PTER: variants seen among roughly 807,000 people sequenced by gnomAD.
The protein encoded by PTER is phosphotriesterase related.
Under a neutral mutation model 29.6 loss-of-function variants are expected in PTER, and 38 were observed. That is an observed-to-expected ratio of 1.28 (90% CI 0.99 to 1.68). The LOEUF is 1.68. Among genes scored for constraint, PTER ranks in the 40% most tolerant of loss-of-function variants. PTER has a pLI of 0.00. For synonymous variants in PTER, 172 were observed against 154.5 expected (o/e 1.11, Z -0.84); for missense variants, 482 against 427.8 (o/e 1.13, Z -1.12).
chr10:16,441,726 C>G (rs1405723775), intron 1 of PTER, among the ~76,000 whole-genome samples: 1 of 152,134 alleles, frequency 6.6e-6, no homozygotes, highest in Non-Finnish European at 1.5e-5. Context: ...GGGGCATGAC[C>G]GAAGATCTTC....
chr10:16,486,936 G>A (rs879927270), intron 3 of PTER: 1 of 227,256 alleles, frequency 4.4e-6, no homozygotes, highest in Admixed American at 5.1e-5. Flanking sequence ...TGTCTCATGG[G>A]ATGCTATCAA....
intron 4 of PTER, among the ~76,000 whole-genome samples, chr10:16,509,254 G>T (rs1226242201): frequency 6.6e-6 from 1 of 152,038 alleles, no homozygotes; most frequent in African/African-American, 2.4e-5. Context: ...TCATAGTCAG[G>T]ATATGATTGT....
At chr10:16,459,950 G>A (rs917351447) in intron 1 of PTER, among the ~76,000 whole-genome samples, 3 of 152,136 alleles carry the variant, frequency 2.0e-5, no homozygotes, top group Non-Finnish European at 2.9e-5. Context: ...TTTTTTCCAC[G>A]TTGGTCAGGC....
rs776309523 is a variant in PTER at position 16,511,140 on chromosome 10, G to A, written c.934G>A (p.Gly312Ser). 3.8e-5 allele frequency: 62 copies of A among 1,613,968 alleles called. No individual in the cohort carries two copies. The highest frequency in any genetic ancestry group is 9.9e-5 in the South Asian group (9 of 91,082). The change falls in exon 5 of 5, where the codon GGC becomes AGC. Residue 312 changes from glycine to serine, a missense_variant. Transcript: ENST00000535784. ...CCGGCTGATGAAATATGGAGGTCACGGCTATTCTCATATACTCACCAATGT... is the reference window on the plus strand; with the variant it reads ...CCGGCTGATGAAATATGGAGGTCACAGCTATTCTCATATACTCACCAATGT... ...KTRLMKYGGH[G>S]YSHILTNVVP...
intron 1 of PTER, among the ~76,000 whole-genome samples, chr10:16,467,673 GT>G (rs749487324): frequency 6.6e-5 from 10 of 152,100 alleles, no homozygotes; most frequent in Admixed American, 4.6e-4. Context: ...TTAGCCAGGT[GT>G]GGTAGTGGGT....
At chr10:16,516,067 A>T (rs1237506599), downstream of PTER, among the ~76,000 whole-genome samples, 3 of 152,212 alleles carry the variant, frequency 2.0e-5, no homozygotes, top group Non-Finnish European at 4.4e-5. Flanking sequence ...ACTCTTTAAC[A>T]CTGCTGAACT....
At chr10:16,438,471 T>G (rs549347963) in intron 1 of PTER, among the ~76,000 whole-genome samples, 69 of 149,834 alleles carry the variant, frequency 4.6e-4, no homozygotes, top group South Asian at 3.8e-3. Context: ...TGTTTTTTGT[T>G]TTTTTTTTTG....
chr10:16,469,964 A>T (rs1057114526), intron 1 of PTER, among the ~76,000 whole-genome samples: 2 of 152,020 alleles, frequency 1.3e-5, no homozygotes, highest in Admixed American at 6.6e-5. Flanking sequence ...TGTGAAAAAT[A>T]TAGAAATGTC....
At chr10:16,503,065 C>CTTTTTTTTTTTTTTTTTTTTTTT (rs541383811) in intron 3 of PTER, among the ~76,000 whole-genome samples, 2 of 69,418 alleles carry the variant, frequency 2.9e-5, no homozygotes, top group Non-Finnish European at 4.8e-5. Context: ...CATGATAGTG[C>CTTTTTTTTTTTTTTTTTTTTTTT]TTTTTTTTTT....
chr10:16,453,567 G>A (rs925018091), intron 1 of PTER, among the ~76,000 whole-genome samples: 1 of 152,080 alleles, frequency 6.6e-6, no homozygotes, highest in African/African-American at 2.4e-5. Flanking sequence ...TTAACAATCT[G>A]GAACTTCTGG....
At chr10:16,464,742 C>T (rs894780280) in intron 1 of PTER, among the ~76,000 whole-genome samples, 11 of 152,230 alleles carry the variant, frequency 7.2e-5, no homozygotes, top group African/African-American at 2.2e-4. Context: ...CCTCCAGTAT[C>T]AGTGAATGTT....
At chr10:16,489,629 T>G (rs1186853391) in intron 3 of PTER, among the ~76,000 whole-genome samples, 2 of 152,182 alleles carry the variant, frequency 1.3e-5, no homozygotes, top group African/African-American at 2.4e-5. Flanking sequence ...TATACTAAAT[T>G]TTTTAATTGT....
chr10:16,477,057 C>A (rs963092026), intron 1 of PTER, among the ~76,000 whole-genome samples: 2 of 152,082 alleles, frequency 1.3e-5, no homozygotes, highest in Non-Finnish European at 2.9e-5. Flanking sequence ...AGGCACACAT[C>A]ACCATGCCTG....
At chr10:16,518,272 TGTA>T (rs923911479), downstream of PTER, among the ~76,000 whole-genome samples, 3 of 152,216 alleles carry the variant, frequency 2.0e-5, no homozygotes, top group Non-Finnish European at 4.4e-5. Context: ...ATTCCTTAAC[TGTA>T]GTAGTGTAGT....
intron 1 of PTER, among the ~76,000 whole-genome samples, chr10:16,461,313 C>A (rs557824708): frequency 6.6e-6 from 1 of 151,232 alleles, no homozygotes; most frequent in Admixed American, 6.6e-5. Context: ...TAATTAAATT[C>A]CTTTATATTT....
Position 16,484,635 on chromosome 10 carries a change from T to C in PTER, c.251T>C (p.Leu84Pro). The change falls in exon 2 of 5, where the codon CTG (leucine) becomes CCG (proline). Residue 84 changes from leucine to proline, a missense_variant. Physicochemically the swap from Leu to Pro is moderately conservative, Grantham distance 98. Coordinates refer to ENST00000535784, the MANE Select transcript of PTER (RefSeq NM_001261836.2). ...NQETEAIKEE[L>P]LYFKANGGGA... is the part of the protein sequence containing the mutation. ...GAGACAGAAGCCATAAAGGAAGAAC[T>C]GTTGTATTTTAAAGCTAATGGTGGA... The C allele has an allele frequency of 6.2e-7, 1 of 1,614,186 alleles. No homozygotes were observed.
chr10:16,503,538 G>A (rs1166306821), intron 3 of PTER, among the ~76,000 whole-genome samples: 3 of 152,072 alleles, frequency 2.0e-5, no homozygotes, highest in Non-Finnish European at 2.9e-5. Flanking sequence ...CCAAGTAGCT[G>A]GGATTACAGG....
intron 1 of PTER, among the ~76,000 whole-genome samples, chr10:16,476,660 C>A (rs1478106612): frequency 2.7e-5 from 4 of 150,732 alleles, no homozygotes; most frequent in African/African-American, 9.8e-5. Flanking sequence ...CAGCCTCAAC[C>A]TCGCAGGTTC....
chr10:16,508,886 G>A (rs1019453864), intron 4 of PTER, among the ~76,000 whole-genome samples: 2 of 152,132 alleles, frequency 1.3e-5, no homozygotes, highest in South Asian at 2.1e-4. Flanking sequence ...AAGGACCACA[G>A]GGTCCTTTTC....
Sources: allele counts gnomAD v4.1 joint callset (sites outside exome capture counted in the v4.1 genomes callset), GRCh38; gene constraint gnomAD v4.1.1; transcripts MANE v1.5; gene names NCBI Gene and HGNC (gene_info 2026-07-23, HGNC 2026-07-21).